Variants in NDUFAF6 observed in about 807,000 individuals in gnomAD.
The protein encoded by NDUFAF6 is NADH:ubiquinone oxidoreductase complex assembly factor 6.
Under a neutral mutation model 40.8 loss-of-function variants are expected in NDUFAF6, and 45 were observed. The ratio of observed to expected loss-of-function variants is 1.10; its 90% confidence interval spans 0.87 to 1.42. The LOEUF (loss-of-function observed/expected upper bound fraction) is 1.42. Among genes scored for constraint, NDUFAF6 ranks in the 40% most tolerant of loss-of-function variants. The pLI is 0.00. For synonymous variants in NDUFAF6, 185 were observed against 155.9 expected, an observed-to-expected ratio of 1.19 and a Z score of -1.39; for missense variants, 435 against 418.5, an observed-to-expected ratio of 1.04 and a Z score of -0.34.
At position 94,946,106 on chromosome 8, in the gene NDUFAF6, G is replaced by GT. The variant is rs11301626; in HGVS notation, c.-799+498dup. On this transcript the variant is annotated intron_variant, in intron 2 of 14. Coordinates refer to the NDUFAF6 transcript ENST00000396113. Reference sequence around the variant, plus strand: ...TTAACACATTGGTGCCTTTTCTTCTGTTTTTTTTTTTCTTCTACACATAAG... The same window carrying GT: ...TTAACACATTGGTGCCTTTTCTTCTGTTTTTTTTTTTTCTTCTACACATAAG... Among the ~76,000 whole-genome samples, 165 of 149,074 alleles carry GT rather than the reference G, an allele frequency of 1.1e-3. 1 individual carries two copies. The highest frequency in any genetic ancestry group is 2.0e-3 in the African/African-American group (79 of 40,438).
chr8:95,027,163 C>T lies in NDUFAF6; in HGVS notation c.197+1958C>T, dbSNP rs562398100. Among the ~76,000 whole-genome samples the T allele has an allele frequency of 6.4e-4, 97 of 152,194 alleles. 1 individual carries two copies. The South Asian group carries it at 0.011, about 17-fold the overall frequency. ...CAAATGGTCAGTTACTTAAACTGTCCATGTTATTTGTGTGGAATGGGGGCT... is the reference window on the plus strand; with the variant it reads ...CAAATGGTCAGTTACTTAAACTGTCTATGTTATTTGTGTGGAATGGGGGCT... On this transcript the variant is annotated intron_variant, in intron 1 of 8. Coordinates refer to ENST00000396124, the MANE Select transcript of NDUFAF6 (RefSeq NM_152416.4).
chr8:95,082,902 C>A (rs986596558), intron 2 of NDUFAF6, among the ~76,000 whole-genome samples: 2 of 152,018 alleles, frequency 1.3e-5, no homozygotes, highest in African/African-American at 4.8e-5. Context: ...CCTCGTGATC[C>A]CCCGCCTCGG....
At chr8:95,097,507 G>C (rs1159363752), upstream of NDUFAF6, among the ~76,000 whole-genome samples, 1 of 152,172 alleles carries the variant, frequency 6.6e-6, no homozygotes, top group Non-Finnish European at 1.5e-5. Flanking sequence ...AGACCAGCCT[G>C]GCCAGCATGG....
intron 1 of NDUFAF6, among the ~76,000 whole-genome samples, chr8:94,938,942 G>T (rs1465333947): frequency 6.6e-6 from 1 of 152,204 alleles, no homozygotes; most frequent in Non-Finnish European, 1.5e-5. Context: ...TTGGGACTAA[G>T]CCTTTAACCT....
In NDUFAF6 at chr8:95,025,492, C is replaced by A. The variant is rs1277071639; in HGVS notation, c.197+287C>A. On this transcript the variant is annotated intron_variant, in intron 1 of 8. Transcript: ENST00000396124. ...AATTCAGCGTTTTTGCATGAATAACCTTTGTTATTCACAGAACGTCTATTA... is the reference window on the plus strand; with the variant it reads ...AATTCAGCGTTTTTGCATGAATAACATTTGTTATTCACAGAACGTCTATTA... 2.6e-5 allele frequency among the ~76,000 whole-genome samples: 4 copies of A among 152,318 alleles called. No individual in the cohort carries two copies. The East Asian group carries it at 7.7e-4, about 29-fold the overall frequency.
At chr8:95,039,023 C>T (rs1391177306) in intron 3 of NDUFAF6, among the ~76,000 whole-genome samples, 1 of 151,218 alleles carries the variant, frequency 6.6e-6, no homozygotes, top group Non-Finnish European at 1.5e-5. Flanking sequence ...GTTGCTCAGA[C>T]TGGAGTGGAG....
At chr8:95,000,678 G>A (rs936707762) in intron 2 of NDUFAF6, among the ~76,000 whole-genome samples, 6 of 149,374 alleles carry the variant, frequency 4.0e-5, no homozygotes, top group African/African-American at 1.5e-4. Flanking sequence ...GCTTACACTT[G>A]TAATCCCAGC....
intron 2 of NDUFAF6, among the ~76,000 whole-genome samples, chr8:95,019,257 G>A (rs1465520510): frequency 6.6e-6 from 1 of 152,212 alleles, no homozygotes; most frequent in Non-Finnish European, 1.5e-5. Context: ...TGATCTGCCT[G>A]CCTTGGCCTC....
At chr8:94,922,753 A>G (rs539881548) in intron 1 of NDUFAF6, among the ~76,000 whole-genome samples, 150 of 152,304 alleles carry the variant, frequency 9.8e-4, no homozygotes, top group Middle Eastern at 3.4e-3. Flanking sequence ...TGCTGGGACT[A>G]CAGGCATGTG....
chr8:95,087,467 GTTC>G (rs759369695), intron 2 of NDUFAF6, among the ~76,000 whole-genome samples: 6 of 152,046 alleles, frequency 3.9e-5, no homozygotes, highest in African/African-American at 9.7e-5. Flanking sequence ...TGTAGCAATT[GTTC>G]TTCTGCATTT....
At chr8:94,909,286 T>G (rs186032680) in intron 1 of NDUFAF6, among the ~76,000 whole-genome samples, 308 of 145,924 alleles carry the variant, frequency 2.1e-3, no homozygotes, top group Admixed American at 4.2e-3. Flanking sequence ...GAGGCGGAGA[T>G]TGCAGTGAGC....
At chr8:95,095,369 G>A (rs1809421859) in intron 2 of NDUFAF6, among the ~76,000 whole-genome samples, 2 of 152,148 alleles carry the variant, frequency 1.3e-5, no homozygotes, top group Admixed American at 1.3e-4. Flanking sequence ...GGTGGACACA[G>A]TCATCCGAAT....
intron 1 of NDUFAF6, chr8:94,932,088 A>G: frequency 6.2e-7 from 1 of 1,610,670 alleles, no homozygotes. Context: ...CGTGAGTCTT[A>G]TAAGCAGCTT....
At chr8:95,022,180 A>C (rs1827717813), upstream of NDUFAF6, among the ~76,000 whole-genome samples, 1 of 152,166 alleles carries the variant, frequency 6.6e-6, no homozygotes, top group Non-Finnish European at 1.5e-5. Context: ...CAATATAATA[A>C]AAATACCAGT....
At chr8:94,946,546 A>C (rs1235047658) in intron 2 of NDUFAF6, among the ~76,000 whole-genome samples, 1 of 151,608 alleles carries the variant, frequency 6.6e-6, no homozygotes, top group Admixed American at 6.6e-5. Flanking sequence ...ACAAAAAATA[A>C]ATTAGCTGGG....
downstream of NDUFAF6, chr8:95,078,662 A>AAAAAAATAT (rs545018367): frequency 8.3e-6 from 1 of 121,052 alleles, no homozygotes; most frequent in African/African-American, 3.3e-5. Flanking sequence ...AAAAAAAAAA[A>AAAAAAATAT]ATATATATAT....
chr8:95,109,077 A>G (rs1809921452), intron 4 of NDUFAF6, among the ~76,000 whole-genome samples: 1 of 152,184 alleles, frequency 6.6e-6, no homozygotes, highest in South Asian at 2.1e-4. Context: ...TTAGATATAG[A>G]AACAATTTAC....
chr8:95,116,574 T>C, downstream of NDUFAF6: 1 of 152,220 alleles, frequency 6.6e-6, no homozygotes, highest in African/African-American at 2.4e-5. Flanking sequence ...TAGTCTTGAA[T>C]TTCTGCACTC....
At chr8:94,981,780 C>G (rs1300934563) in intron 2 of NDUFAF6, among the ~76,000 whole-genome samples, 1 of 152,078 alleles carries the variant, frequency 6.6e-6, no homozygotes, top group South Asian at 2.1e-4. Context: ...TGACCTCAAC[C>G]ACTATTTGAT....
Sources: allele counts gnomAD v4.1 joint callset (sites outside exome capture counted in the v4.1 genomes callset), GRCh38; gene constraint gnomAD v4.1.1; transcripts MANE v1.5; gene names NCBI Gene and HGNC (gene_info 2026-07-23, HGNC 2026-07-21).